The following CCDC39 variants were observed in gnomAD, a reference collection of about 807,000 sequenced individuals.
CCDC39 encodes coiled-coil domain 39 molecular ruler complex subunit.
CCDC39 carries 113 observed loss-of-function variants against 121.0 expected under a neutral mutation model. That is an observed-to-expected ratio of 0.93 (90% CI 0.80 to 1.09). CCDC39 has a LOEUF of 1.09. CCDC39 is among the 50% of genes least tolerant of loss of function. The pLI is 0.00. For missense variants in CCDC39, 1,063 were observed against 1,074.7 expected (o/e 0.99, Z 0.15); for synonymous variants, 349 against 352.2 (o/e 0.99, Z 0.10).
intron 1 of CCDC39, among the ~76,000 whole-genome samples, chr3:180,670,951 C>A (rs1712027709): frequency 6.6e-6 from 1 of 152,118 alleles, no homozygotes; most frequent in Non-Finnish European, 1.5e-5. Context: ...GTGGCTCACA[C>A]CTGTAATCCC....
intron 1 of CCDC39, among the ~76,000 whole-genome samples, chr3:180,669,697 T>C (rs1338515944): frequency 6.6e-6 from 1 of 152,156 alleles, no homozygotes; most frequent in East Asian, 1.9e-4. Context: ...AGATAATGAC[T>C]TGGATAATGA....
intron 11 of CCDC39, among the ~76,000 whole-genome samples, chr3:180,644,504 ATACATAAC>A (rs1378247796): frequency 6.6e-6 from 1 of 152,164 alleles, no homozygotes; most frequent in African/African-American, 2.4e-5. Context: ...ATTCTAGGCA[ATACATAAC>A]TTCCAGTTCA....
In CCDC39 at chr3:180,651,436, C is replaced by G; in HGVS notation, c.1132G>C (p.Glu378Gln). 2 of 1,559,892 alleles carry G rather than the reference C, an allele frequency of 1.3e-6. No individual in the cohort carries two copies. The highest frequency in any genetic ancestry group is 1.7e-6 in the Non-Finnish European group (2 of 1,150,414). The change falls in exon 9 of 20, where the codon GAA (glutamate) becomes CAA (glutamine). Residue 378 changes from glutamate (E) to glutamine (Q), a missense_variant. Physicochemically the swap from Glu to Gln is conservative, Grantham distance 29. Transcript: ENST00000476379. ...MSVEEKATNLEDMLKEEEKDV... is the reference protein window; with the variant it reads ...MSVEEKATNLQDMLKEEEKDV... ...TTTTCCTCCTCCTTTAGCATATCTT[C>G]CAAATTAGTAGCTTTCTCTTCTACA...
intron 1 of CCDC39, among the ~76,000 whole-genome samples, chr3:180,675,245 T>C (rs1267013781): frequency 1.3e-5 from 2 of 152,238 alleles, no homozygotes; most frequent in African/African-American, 4.8e-5. Context: ...CCATTTCTTC[T>C]AGATTTTCTA....
intron 13 of CCDC39, among the ~76,000 whole-genome samples, chr3:180,639,947 G>GA (rs1295382962): frequency 2.6e-5 from 4 of 152,056 alleles, no homozygotes; most frequent in African/African-American, 9.7e-5. Flanking sequence ...TATGCTGAAT[G>GA]AAAAAAGCCA....
At chr3:180,671,969 C>T (rs941378007) in intron 1 of CCDC39, among the ~76,000 whole-genome samples, 2 of 152,148 alleles carry the variant, frequency 1.3e-5, no homozygotes, top group African/African-American at 2.4e-5. Flanking sequence ...CACCAAACAA[C>T]AGATTTTCAA....
chr3:180,666,878 C>T (rs981384563), intron 1 of CCDC39, among the ~76,000 whole-genome samples: 10 of 152,054 alleles, frequency 6.6e-5, no homozygotes, highest in East Asian at 1.9e-4. Flanking sequence ...ATTACACATA[C>T]GCACACACAC....
At position 180,679,352 on chromosome 3, in the gene CCDC39, T is replaced by A. The variant is rs752194812; in HGVS notation, c.29A>T (p.His10Leu). Residue 10 changes from histidine (H) to leucine (L), a missense_variant, in exon 1 of 20, where the codon CAC becomes CTC. Coordinates refer to ENST00000476379, the MANE Select transcript of CCDC39 (RefSeq NM_181426.2). This position sits in a 1 kb window ranked among gnomAD's most constrained non-coding sequence, Gnocchi z 4.0. MSSEFLAEL[H>L]WEDGFAIPVA... is the part of the protein sequence containing the mutation. ...CGGGATGGCGAACCCATCCTCCCAG[T>A]GCAGCTCAGCCAGGAATTCGCTACT... 2 of 1,613,928 alleles carry A rather than the reference T, an allele frequency of 1.2e-6. No homozygotes were observed.
chr3:180,675,634 C>A (rs920779999), intron 1 of CCDC39, among the ~76,000 whole-genome samples: 2 of 152,104 alleles, frequency 1.3e-5, no homozygotes, highest in African/African-American at 4.8e-5. Context: ...ATAAATTTCC[C>A]TCTACACACT....
At chr3:180,641,939 C>T in intron 13 of CCDC39, 54 bp downstream of exon 13, 1 of 1,324,524 alleles carries the variant, frequency 7.5e-7, no homozygotes. Flanking sequence ...AGCTAGTTCT[C>T]CTGACATCAT....
intron 2 of CCDC39, among the ~76,000 whole-genome samples, chr3:180,663,597 G>A (rs1244909075): frequency 6.6e-6 from 1 of 151,350 alleles, no homozygotes; most frequent in African/African-American, 2.4e-5. Context: ...TTGAACCCAG[G>A]AGGCAGAGGT....
At chr3:180,651,588 C>A (rs1443999210) in intron 8 of CCDC39, 55 bp from the exon 9 acceptor site, 1 of 1,442,604 alleles carries the variant, frequency 6.9e-7, no homozygotes, top group Non-Finnish European at 9.2e-7. Flanking sequence ...GCATTTCATA[C>A]AAACAAATAA....
At chr3:180,645,716 A>G (rs1718052650) in intron 11 of CCDC39, among the ~76,000 whole-genome samples, 3 of 152,170 alleles carry the variant, frequency 2.0e-5, no homozygotes, top group South Asian at 2.1e-4. Flanking sequence ...TGTTGCTACT[A>G]TTGAAAAGAG....
chr3:180,616,742 AT>A, intron 17 of CCDC39, 47 bp from the exon 18 acceptor site: 1 of 1,573,722 alleles, frequency 6.4e-7, no homozygotes, highest in Non-Finnish European at 8.6e-7. Flanking sequence ...GTTTACCAGA[AT>A]TTAATATTTT....
At chr3:180,618,446 G>A (rs1717330804) in intron 16 of CCDC39, among the ~76,000 whole-genome samples, 1 of 151,584 alleles carries the variant, frequency 6.6e-6, no homozygotes, top group African/African-American at 2.4e-5. Context: ...TAGGGTACAT[G>A]TGCACAACAT....
chr3:180,679,205 T>C lies in CCDC39; in HGVS notation c.90+86A>G. 1 of 975,516 alleles carries C rather than the reference T, an allele frequency of 1.0e-6. No homozygotes were observed. The highest frequency in any genetic ancestry group is 1.3e-5 in the South Asian group (1 of 78,102). 60.4% of individuals were successfully genotyped at this position (975,516 alleles called of 1,614,324 possible). ...GCACAGGATTAGGAAAGGAGAGAAATAAAAGGGCTGGGGTAGTACTGCCAA... is the reference window on the plus strand; with the variant it reads ...GCACAGGATTAGGAAAGGAGAGAAACAAAAGGGCTGGGGTAGTACTGCCAA... On this transcript the variant is annotated intron_variant, in intron 1 of 19. Coordinates refer to ENST00000476379, the MANE Select transcript of CCDC39 (RefSeq NM_181426.2). The surrounding 1 kb of genome is among the most constrained non-coding windows in gnomAD (Gnocchi z 4.0).
chr3:180,623,909 G>C (rs183641609), intron 14 of CCDC39, among the ~76,000 whole-genome samples: 50 of 151,996 alleles, frequency 3.3e-4, no homozygotes, highest in African/African-American at 1.2e-3. Flanking sequence ...TTATGCAGTC[G>C]TTGGGTAGAA....
chr3:180,678,182 C>G (rs1712287431), intron 1 of CCDC39, among the ~76,000 whole-genome samples: 1 of 152,146 alleles, frequency 6.6e-6, no homozygotes, highest in African/African-American at 2.4e-5. Context: ...GATCTGAACC[C>G]AGGGCTGGAT....
At chr3:180,621,506 T>G (rs888686916) in intron 14 of CCDC39, among the ~76,000 whole-genome samples, 19 of 152,134 alleles carry the variant, frequency 1.2e-4, no homozygotes, top group African/African-American at 4.1e-4. Context: ...GATGAGCATT[T>G]TTTCATATTC....
Sources: allele counts gnomAD v4.1 joint callset (sites outside exome capture counted in the v4.1 genomes callset), GRCh38; gene constraint gnomAD v4.1.1; non-coding constraint Gnocchi (gnomAD v3.1); transcripts MANE v1.5; gene names NCBI Gene and HGNC (gene_info 2026-07-23, HGNC 2026-07-21).